The following NAALADL2 variants were observed in gnomAD, a reference collection of about 807,000 sequenced individuals.
The protein encoded by NAALADL2 is inactive N-acetylated-alpha-linked acidic dipeptidase-like protein 2.
A neutral mutation model predicts 87.2 loss-of-function variants in NAALADL2; 76 were observed. The ratio of observed to expected loss-of-function variants is 0.87; its 90% CI spans 0.72 to 1.05. The LOEUF (loss-of-function observed/expected upper bound fraction) is 1.05. Among genes scored for constraint, NAALADL2 ranks in the 50% least tolerant of loss-of-function variants. The pLI, the probability that NAALADL2 is intolerant of heterozygous loss-of-function variation, is 0.00. For synonymous variants in NAALADL2, 354 were observed against 331.0 expected (o/e 1.07, Z -0.75); for missense variants, 1,089 against 945.8 (o/e 1.15, Z -1.99).
chr3:175,181,267 T>C (rs1044555835), intron 2 of NAALADL2, among the ~76,000 whole-genome samples: 1 of 152,090 alleles, frequency 6.6e-6, no homozygotes, highest in South Asian at 2.1e-4. Context: ...TTGATTCTTT[T>C]TTAAATTGTA....
chr3:174,771,538 G>A (rs961163792), intron 3 of NAALADL2, among the ~76,000 whole-genome samples: 2 of 152,110 alleles, frequency 1.3e-5, no homozygotes, highest in African/African-American at 4.8e-5. Context: ...CTAATGTGTC[G>A]GGTGCATGAG....
At chr3:174,837,056 A>T (rs1321509599) in intron 3 of NAALADL2, among the ~76,000 whole-genome samples, 1 of 152,168 alleles carries the variant, frequency 6.6e-6, no homozygotes, top group Non-Finnish European at 1.5e-5. Flanking sequence ...ATCTGAAAGA[A>T]CACAGACAAT....
chr3:175,201,721 T>G (rs1321163853), intron 2 of NAALADL2, among the ~76,000 whole-genome samples: 2 of 152,030 alleles, frequency 1.3e-5, no homozygotes, highest in African/African-American at 4.8e-5. Flanking sequence ...CCATCTGTTG[T>G]GTGTCTCTTT....
chr3:175,593,788 C>T (rs766467978), intron 10 of NAALADL2, among the ~76,000 whole-genome samples: 10 of 151,816 alleles, frequency 6.6e-5, no homozygotes, highest in African/African-American at 9.7e-5. Flanking sequence ...AAAAACCTCC[C>T]GTTAACTTAG....
intron 9 of NAALADL2, among the ~76,000 whole-genome samples, chr3:175,482,119 A>G (rs1009834621): frequency 1.3e-5 from 2 of 151,990 alleles, no homozygotes; most frequent in African/African-American, 4.8e-5. Flanking sequence ...TGGAGAAACT[A>G]AAATATACTT....
chr3:174,503,387 C>T (rs1210459228), intron 1 of NAALADL2, among the ~76,000 whole-genome samples: 1 of 151,968 alleles, frequency 6.6e-6, no homozygotes, highest in Non-Finnish European at 1.5e-5. Context: ...ATGCTTATGC[C>T]AGTCAGTAAT....
chr3:175,737,392 C>G lies in NAALADL2; in HGVS notation c.1983C>G (p.Asn661Lys), dbSNP rs749577685. ...ATATAGCTTTAGAAGTTCAAAACAA[C>G]CTTAAAGGTAATTTTCCTTTGAATT... The part of the protein sequence containing the change: ...ALDIALEVQN[N>K]LKGDQPNTHQ... The change falls in exon 12 of 14, where the codon AAC becomes AAG. Residue 661 changes from asparagine to lysine, a missense_variant. By Grantham distance (94) the Asn-to-Lys change is moderately conservative (BLOSUM62 0). Coordinates refer to ENST00000454872, the MANE Select transcript of NAALADL2 (RefSeq NM_207015.3). The G allele has an allele frequency of 1.1e-5, 17 of 1,589,566 alleles. No individual in the cohort carries two copies. Among genetic ancestry groups the G allele is most frequent in the Non-Finnish European group, 1.5e-5 (17 of 1,159,798 alleles).
intron 9 of NAALADL2, among the ~76,000 whole-genome samples, chr3:175,562,572 G>A (rs1716438055): frequency 6.6e-6 from 1 of 151,546 alleles, no homozygotes; most frequent in Admixed American, 6.6e-5. Flanking sequence ...AATATCTAAT[G>A]AGTTTATATA....
intron 11 of NAALADL2, among the ~76,000 whole-genome samples, chr3:175,702,905 CT>C (rs1739179084): frequency 6.6e-6 from 1 of 151,230 alleles, no homozygotes; most frequent in South Asian, 2.1e-4. Flanking sequence ...AAGAAATGCA[CT>C]TGAGGAAAAG....
intron 1 of NAALADL2, among the ~76,000 whole-genome samples, chr3:174,972,201 T>C (rs890163707): frequency 4.6e-5 from 7 of 152,168 alleles, no homozygotes; most frequent in Non-Finnish European, 1.0e-4. Context: ...GTATTATAAG[T>C]TAATCAGTTT....
intron 2 of NAALADL2, among the ~76,000 whole-genome samples, chr3:174,610,195 TA>T (rs143622580): frequency 0.52 from 75,080 of 144,966 alleles, 20,398 homozygotes; most frequent in Middle Eastern, 0.59. Context: ...ACGTTAGACC[TA>T]AAAACCATAA....
intron 3 of NAALADL2, among the ~76,000 whole-genome samples, chr3:174,828,358 A>G (rs938939706): frequency 6.6e-6 from 1 of 152,228 alleles, no homozygotes; most frequent in Non-Finnish European, 1.5e-5. Context: ...TGCGAGTTAG[A>G]GAACAGGCTT....
At chr3:175,467,599 A>G (rs916109119) in intron 8 of NAALADL2, among the ~76,000 whole-genome samples, 1 of 152,206 alleles carries the variant, frequency 6.6e-6, no homozygotes, top group African/African-American at 2.4e-5. Context: ...CCTTAGCATT[A>G]TATTTTCTCT....
chr3:174,502,497 C>T (rs1373145307), intron 1 of NAALADL2, among the ~76,000 whole-genome samples: 1 of 152,106 alleles, frequency 6.6e-6, no homozygotes, highest in African/African-American at 2.4e-5. Flanking sequence ...TTATGACACA[C>T]ATTATTTATG....
chr3:174,925,537 T>C (rs959718233), intron 1 of NAALADL2, among the ~76,000 whole-genome samples: 3 of 152,218 alleles, frequency 2.0e-5, no homozygotes, highest in African/African-American at 7.2e-5. Context: ...CGGCTTAGAA[T>C]TGTTTTGGCT....
chr3:174,722,005 A>G (rs764328559), intron 2 of NAALADL2, among the ~76,000 whole-genome samples: 51 of 152,208 alleles, frequency 3.4e-4, no homozygotes, highest in Non-Finnish European at 5.0e-4. Context: ...GATTGAAATA[A>G]CAGCCAAGAC....
At chr3:175,667,589 A>G (rs1733368987) in intron 11 of NAALADL2, among the ~76,000 whole-genome samples, 1 of 152,168 alleles carries the variant, frequency 6.6e-6, no homozygotes, top group South Asian at 2.1e-4. Flanking sequence ...CAAAGATTCA[A>G]TATCATAACT....
intron 9 of NAALADL2, among the ~76,000 whole-genome samples, chr3:175,480,008 G>A (rs1352821566): frequency 6.6e-6 from 1 of 151,750 alleles, no homozygotes; most frequent in Non-Finnish European, 1.5e-5. Flanking sequence ...ATGTAGGGAA[G>A]AGGAAGTGAA....
At chr3:174,807,892 A>T (rs11926511) in intron 3 of NAALADL2, among the ~76,000 whole-genome samples, 1,055 of 96,952 alleles carry the variant, frequency 0.011, 14 homozygotes, top group Middle Eastern at 0.042. Context: ...TGTGTGTGAG[A>T]GAGAGAGATA....
Sources: allele counts gnomAD v4.1 joint callset (sites outside exome capture counted in the v4.1 genomes callset), GRCh38; gene constraint gnomAD v4.1.1; transcripts MANE v1.5; gene names NCBI Gene and HGNC (gene_info 2026-07-23, HGNC 2026-07-21).